The following GPR39 variants were observed in gnomAD, a reference collection of about 807,000 sequenced individuals.
The protein encoded by GPR39 is zinc sensing receptor.
Under a neutral mutation model 18.4 loss-of-function variants are expected in GPR39, and 23 were observed. That is an observed-to-expected ratio of 1.25 (90% CI 0.90 to 1.77). The LOEUF is 1.77. Among genes scored for constraint, GPR39 ranks in the 40% most tolerant of loss-of-function variants. The probability of loss-of-function intolerance (pLI) is 0.00; values close to 1 mark genes in which losing one functional copy is unlikely to be tolerated. For synonymous variants in GPR39, 280 were observed against 257.9 expected (o/e 1.09, Z -0.82); for missense variants, 647 against 602.4 (o/e 1.07, Z -0.78).
intron 1 of GPR39, among the ~76,000 whole-genome samples, chr2:132,474,760 G>A (rs1223556522): frequency 6.6e-6 from 1 of 152,110 alleles, no homozygotes; most frequent in East Asian, 1.9e-4. Flanking sequence ...GCCATTTTGG[G>A]AACCCATTAT....
At chr2:132,485,087 C>T (rs1681305435) in intron 1 of GPR39, among the ~76,000 whole-genome samples, 3 of 152,210 alleles carry the variant, frequency 2.0e-5, no homozygotes, top group Admixed American at 2.0e-4. Flanking sequence ...ATCGCAGGTT[C>T]AATTCCAGAC....
At chr2:132,556,193 A>G (rs1680148885) in intron 1 of GPR39, among the ~76,000 whole-genome samples, 1 of 152,194 alleles carries the variant, frequency 6.6e-6, no homozygotes, top group Non-Finnish European at 1.5e-5. Context: ...CATTAGGCAT[A>G]TCATTTTTAA....
At chr2:132,578,997 G>A (rs1680577723) in intron 1 of GPR39, among the ~76,000 whole-genome samples, 1 of 151,056 alleles carries the variant, frequency 6.6e-6, no homozygotes, top group Non-Finnish European at 1.5e-5. Context: ...GGTTTATTTT[G>A]CCCTTTCATG....
intron 1 of GPR39, among the ~76,000 whole-genome samples, chr2:132,459,734 A>G (rs1054202974): frequency 1.3e-5 from 2 of 152,230 alleles, no homozygotes; most frequent in African/African-American, 4.8e-5. Context: ...TATTTGACAC[A>G]TACTCAGTCA....
At chr2:132,619,707 C>T (rs80326269) in intron 1 of GPR39, among the ~76,000 whole-genome samples, 20 of 152,204 alleles carry the variant, frequency 1.3e-4, no homozygotes, top group Admixed American at 1.2e-3. Context: ...ACTTTCCTTG[C>T]ACTGGCCTGG....
At chr2:132,448,824 C>A (rs60861464) in intron 1 of GPR39, among the ~76,000 whole-genome samples, 1 of 152,136 alleles carries the variant, frequency 6.6e-6, no homozygotes, top group Non-Finnish European at 1.5e-5. Context: ...TTTAATCATG[C>A]GGCAAAATCT....
rs1312361649 is a variant in GPR39, at chr2:132,585,287, A to G, written c.857-59814A>G. On this transcript the variant is annotated intron_variant, in intron 1 of 1. Transcript: ENST00000329321. ...TGCCGTCCCCAGCTAGGGTCATAGG[A>G]GTCCCTGTCCCCCAGGCCTTTCCCT... 3.3e-5 allele frequency among the ~76,000 whole-genome samples: 5 copies of G among 151,916 alleles called. No homozygotes were observed. The South Asian group carries it at 1.0e-3, about 32-fold the overall frequency.
At chr2:132,572,009 A>G (rs2104815314) in intron 1 of GPR39, among the ~76,000 whole-genome samples, 1 of 152,262 alleles carries the variant, frequency 6.6e-6, no homozygotes, top group South Asian at 2.1e-4. Context: ...TGTGATGGGC[A>G]GGTATCAAGA....
At chr2:132,523,598 CT>C (rs1394873402) in intron 1 of GPR39, 1 of 152,132 alleles carries the variant, frequency 6.6e-6, no homozygotes, top group East Asian at 1.9e-4. Flanking sequence ...CCTTTCAGTG[CT>C]TTTTAAAGAT....
chr2:132,561,838 C>A (rs1034747011), intron 1 of GPR39, among the ~76,000 whole-genome samples: 1 of 152,116 alleles, frequency 6.6e-6, no homozygotes, highest in South Asian at 2.1e-4. Context: ...GTCAATGTCC[C>A]CCTCAAGCAT....
At chr2:132,430,749 G>C (rs1001965888) in intron 1 of GPR39, among the ~76,000 whole-genome samples, 1 of 152,132 alleles carries the variant, frequency 6.6e-6, no homozygotes, top group Non-Finnish European at 1.5e-5. Flanking sequence ...TGAGAGGCGT[G>C]GTCCCCAAAG....
chr2:132,566,499 C>T (rs1237254595), intron 1 of GPR39, among the ~76,000 whole-genome samples: 1 of 152,164 alleles, frequency 6.6e-6, no homozygotes, highest in African/African-American at 2.4e-5. Flanking sequence ...ATCTCAAAAG[C>T]AGGTGTGTTT....
intron 1 of GPR39, among the ~76,000 whole-genome samples, chr2:132,451,523 C>T (rs1680632759): frequency 6.6e-6 from 1 of 152,028 alleles, no homozygotes. Context: ...TTTGGGACAC[C>T]AAGCAGCAAG....
intron 1 of GPR39, among the ~76,000 whole-genome samples, chr2:132,519,187 C>G (rs1021684294): frequency 1.5e-4 from 23 of 152,226 alleles, no homozygotes; most frequent in African/African-American, 5.5e-4. Flanking sequence ...CACCATCCAC[C>G]TCCCACACTA....
intron 1 of GPR39, among the ~76,000 whole-genome samples, chr2:132,622,847 G>A (rs1215689136): frequency 6.6e-6 from 1 of 152,184 alleles, no homozygotes; most frequent in East Asian, 1.9e-4. Flanking sequence ...AGGTGCGGTG[G>A]CTCATGCCTG....
At chr2:132,422,734 G>A (rs902219552) in intron 1 of GPR39, among the ~76,000 whole-genome samples, 2 of 151,966 alleles carry the variant, frequency 1.3e-5, no homozygotes, top group Admixed American at 6.5e-5. Context: ...TTCATAAATT[G>A]CAAGTGTCCT....
intron 1 of GPR39, among the ~76,000 whole-genome samples, chr2:132,610,592 C>T (rs757489542): frequency 1.3e-4 from 20 of 151,808 alleles, no homozygotes; most frequent in Non-Finnish European, 2.5e-4. Context: ...GTGTGGCCAA[C>T]GCGGTGAAAC....
chr2:132,644,368 A>G (rs994051672), intron 1 of GPR39, among the ~76,000 whole-genome samples: 1 of 152,254 alleles, frequency 6.6e-6, no homozygotes, highest in Non-Finnish European at 1.5e-5. Context: ...GGAACATGTT[A>G]CTGGCTGAAC....
At chr2:132,536,882 A>C (rs140769722) in intron 1 of GPR39, among the ~76,000 whole-genome samples, 2,266 of 152,184 alleles carry the variant, frequency 0.015, 71 homozygotes, top group African/African-American at 0.052. Flanking sequence ...AAAGACTAGG[A>C]TTGCAACCCC....
Sources: gnomAD v4.1 joint callset for allele counts (sites outside exome capture counted in the v4.1 genomes callset) on GRCh38, gnomAD v4.1.1 for gene constraint, MANE v1.5 for transcripts, NCBI Gene and HGNC (gene_info 2026-07-23, HGNC 2026-07-21) for gene names.